EYS: variants seen among roughly 807,000 people sequenced by gnomAD.
EYS encodes EGF-like photoreceptor maintenance factor.
A neutral mutation model predicts 282.1 loss-of-function variants in EYS; 250 were observed. The ratio of observed to expected loss-of-function variants is 0.89; its 90% CI spans 0.80 to 0.98. The LOEUF (loss-of-function observed/expected upper bound fraction) is 0.98. Among genes scored for constraint, EYS ranks in the 50% least tolerant of loss-of-function variants. The pLI is 0.00. For synonymous variants in EYS, 1,355 were observed against 1,282.9 expected, an observed-to-expected ratio of 1.06 and a Z score of -1.20; for missense variants, 4,016 against 3,709.0, an observed-to-expected ratio of 1.08 and a Z score of -2.15.
chr6:64,821,827 A>C, intron 20 of EYS, 104 bp from the exon 21 acceptor site: 1 of 629,868 alleles, frequency 1.6e-6, no homozygotes, highest in Non-Finnish European at 2.7e-6. Context: ...TCAGGTGAAA[A>C]AAGCACTCCC....
chr6:63,837,934 T>A (rs1275458774), intron 36 of EYS, among the ~76,000 whole-genome samples: 2 of 152,186 alleles, frequency 1.3e-5, no homozygotes, highest in African/African-American at 4.8e-5. Context: ...AATTTTGAGT[T>A]TTCTTGTCAG....
chr6:64,755,533 C>G (rs1338781417), intron 22 of EYS, among the ~76,000 whole-genome samples: 2 of 151,118 alleles, frequency 1.3e-5, no homozygotes, highest in East Asian at 3.9e-4. Context: ...CACACACACA[C>G]ACACACACAC....
At position 65,295,985 on chromosome 6, in the gene EYS, C is replaced by A. The variant is rs1211802318; in HGVS notation, c.1901G>T (p.Arg634Ile). The part of the protein sequence containing the change: ...SHNCNCSGLQ[R>I]YERNICEIDT... Reference sequence around the variant, plus strand: ...TATCTCACAGATGTTCCTTTCATATCTTTGCAGACCGCTACAGTTACAATT... The same window carrying A: ...TATCTCACAGATGTTCCTTTCATATATTTGCAGACCGCTACAGTTACAATT... Residue 634 changes from arginine to isoleucine, a missense_variant, in exon 12 of 43, where the codon AGA (arginine) becomes ATA (isoleucine). Arg to Ile is a moderately conservative substitution (Grantham distance 97, BLOSUM62 -3). Coordinates refer to ENST00000503581, the MANE Select transcript of EYS (RefSeq NM_001142800.2). 1.9e-6 allele frequency: 3 copies of A among 1,551,238 alleles called. No individual in the cohort carries two copies. The highest frequency in any genetic ancestry group is 1.2e-5 in the South Asian group (1 of 84,044).
intron 8 of EYS, among the ~76,000 whole-genome samples, chr6:65,372,750 G>A (rs878874480): frequency 2.0e-5 from 3 of 151,892 alleles, no homozygotes; most frequent in African/African-American, 4.8e-5. Context: ...AAGGAAGTTC[G>A]CCATCCTTAT....
chr6:63,916,846 G>A (rs947597719), intron 35 of EYS, among the ~76,000 whole-genome samples: 11 of 152,156 alleles, frequency 7.2e-5, no homozygotes, highest in African/African-American at 1.2e-4. Flanking sequence ...TGCTGGAGTC[G>A]ATGGAGAAAA....
chr6:64,090,012 T>C (rs1343084181), intron 31 of EYS, among the ~76,000 whole-genome samples: 1 of 152,144 alleles, frequency 6.6e-6, no homozygotes, highest in Non-Finnish European at 1.5e-5. Flanking sequence ...GATTTGCTAT[T>C]TGATCCTGTC....
At chr6:65,113,274 T>C (rs1053925418) in intron 12 of EYS, among the ~76,000 whole-genome samples, 1 of 152,058 alleles carries the variant, frequency 6.6e-6, no homozygotes, top group African/African-American at 2.4e-5. Flanking sequence ...TTTACTGCTA[T>C]TGAAATTTAG....
At position 65,039,727 on chromosome 6, in the gene EYS, A is replaced by G. The variant is rs530764336; in HGVS notation, c.2137+17887T>C. On this transcript the variant is annotated intron_variant, in intron 13 of 42. Coordinates refer to ENST00000503581, the MANE Select transcript of EYS (RefSeq NM_001142800.2). ...GATTTTATAAAAAGATATTTTAGAA[A>G]GTTTAATTTATAATCTCAACCTAAG... 2.0e-5 allele frequency among the ~76,000 whole-genome samples: 3 copies of G among 151,806 alleles called. 1 individual carries two copies. The South Asian group carries it at 6.2e-4, about 31-fold the overall frequency.
intron 35 of EYS, among the ~76,000 whole-genome samples, chr6:63,932,579 C>G (rs999350596): frequency 6.6e-6 from 1 of 152,162 alleles, no homozygotes; most frequent in Non-Finnish European, 1.5e-5. Flanking sequence ...TTCTTCTTCT[C>G]TCTATGCCCA....
intron 22 of EYS, among the ~76,000 whole-genome samples, chr6:64,652,159 G>A (rs1405528202): frequency 6.6e-6 from 1 of 152,180 alleles, no homozygotes; most frequent in Non-Finnish European, 1.5e-5. Flanking sequence ...GAATTCTAAG[G>A]TGACCCACAG....
At chr6:65,080,594 A>T (rs1014373100) in intron 12 of EYS, among the ~76,000 whole-genome samples, 10 of 152,178 alleles carry the variant, frequency 6.6e-5, no homozygotes, top group African/African-American at 2.4e-4. Context: ...GGCAGCTCAA[A>T]CACTATATTG....
intron 26 of EYS, among the ~76,000 whole-genome samples, chr6:64,451,155 A>T (rs185013031): frequency 2.0e-5 from 3 of 152,332 alleles, no homozygotes; most frequent in Admixed American, 2.0e-4. Context: ...AATAGATGCA[A>T]TAAAAAAATG....
At chr6:63,763,908 A>G (rs1213451996) in intron 40 of EYS, among the ~76,000 whole-genome samples, 3 of 134,188 alleles carry the variant, frequency 2.2e-5, no homozygotes, top group Non-Finnish European at 4.9e-5. Flanking sequence ...ATATTTGATA[A>G]ACTGTTGTTT....
At chr6:64,614,928 T>A (rs999108187) in intron 24 of EYS, among the ~76,000 whole-genome samples, 1 of 152,138 alleles carries the variant, frequency 6.6e-6, no homozygotes, top group Admixed American at 6.6e-5. Flanking sequence ...TCTGTGCTCT[T>A]AGGAATACTG....
At chr6:63,810,998 C>T (rs1771032925) in intron 36 of EYS, among the ~76,000 whole-genome samples, 1 of 152,136 alleles carries the variant, frequency 6.6e-6, no homozygotes, top group Non-Finnish European at 1.5e-5. Context: ...CTGACTCTGC[C>T]CGGGTATTTC....
chr6:64,575,753 T>C (rs537031836), intron 26 of EYS, among the ~76,000 whole-genome samples: 1 of 152,158 alleles, frequency 6.6e-6, no homozygotes, highest in East Asian at 1.9e-4. Context: ...AAGTTTAGGT[T>C]TCAAGTACTC....
chr6:65,202,927 C>T (rs1001949306), intron 12 of EYS, among the ~76,000 whole-genome samples: 1 of 152,114 alleles, frequency 6.6e-6, no homozygotes, highest in African/African-American at 2.4e-5. Flanking sequence ...TGAGAGCTTC[C>T]ACTAGACACC....
chr6:65,207,010 T>C (rs1766052644), intron 12 of EYS, among the ~76,000 whole-genome samples: 2 of 151,726 alleles, frequency 1.3e-5, no homozygotes, highest in Non-Finnish European at 3.0e-5. Context: ...ACATAGTAGT[T>C]GAATTCGTAG....
rs1562185124 is a variant in EYS at position 65,442,880 on chromosome 6, A to ATG, written c.863-37514_863-37513insCA. Among the ~76,000 whole-genome samples, 7 of 105,734 alleles carry ATG rather than the reference A, an allele frequency of 6.6e-5. 2 individuals are homozygous for ATG. Among genetic ancestry groups the ATG allele is most frequent in the South Asian group, 2.9e-4 (1 of 3,474 alleles). The allele number at this position is 105,734 out of a possible 152,430, so 69.4% of individuals were successfully genotyped here. ...TGTACATATATACATACATATACAC[A>ATG]TACATATGTACATATATGTATATAT... On this transcript the variant is annotated intron_variant, in intron 5 of 42. Coordinates refer to ENST00000503581, the MANE Select transcript of EYS (RefSeq NM_001142800.2).
Sources: gnomAD v4.1 joint callset for allele counts (sites outside exome capture counted in the v4.1 genomes callset) on GRCh38, gnomAD v4.1.1 for gene constraint, MANE v1.5 for transcripts, NCBI Gene and HGNC (gene_info 2026-07-23, HGNC 2026-07-21) for gene names.